The following BRINP1 variants were observed in gnomAD, a reference collection of about 807,000 sequenced individuals.
The protein encoded by BRINP1 is BMP/retinoic acid-inducible neural-specific protein 1.
BRINP1 carries 17 observed loss-of-function variants against 72.9 expected under a neutral mutation model. That is an observed-to-expected ratio of 0.23 (90% CI 0.16 to 0.35). The LOEUF is 0.35. Ranked by LOEUF, BRINP1 falls within the 10% of genes least tolerant of loss-of-function variation. BRINP1 has a pLI of 1.00. For missense variants in BRINP1, 850 were observed against 1,001.6 expected, an observed-to-expected ratio of 0.85 and a Z score of 2.04; for synonymous variants, 418 against 378.5, an observed-to-expected ratio of 1.10 and a Z score of -1.21.
At chr9:119,341,987 C>T (rs1831411009) in intron 1 of BRINP1, among the ~76,000 whole-genome samples, 1 of 152,024 alleles carries the variant, frequency 6.6e-6, no homozygotes, top group Non-Finnish European at 1.5e-5. Context: ...AGGCTGCTCT[C>T]GAACTCCTGA....
At chr9:119,189,811 G>T (rs1376825230) in intron 7 of BRINP1, among the ~76,000 whole-genome samples, 1 of 151,964 alleles carries the variant, frequency 6.6e-6, no homozygotes, top group East Asian at 1.9e-4. Flanking sequence ...CTGCACTTTA[G>T]ACCAAATGGA....
chr9:119,316,889 G>A (rs566820164), intron 1 of BRINP1, among the ~76,000 whole-genome samples: 36 of 151,774 alleles, frequency 2.4e-4, no homozygotes, highest in Admixed American at 2.2e-3. Flanking sequence ...TCAAGAGATC[G>A]AGACTATCCT....
rs1830258949 is a variant in BRINP1 at position 119,242,235 on chromosome 9, T to C, written c.410-19A>G. On this transcript the variant is annotated intron_variant, in intron 3 of 7. Coordinates refer to ENST00000265922, the MANE Select transcript of BRINP1 (RefSeq NM_014618.3). ...TCCTCCCCTGGATGGGAAAGAAAAG[T>C]AGATAAGAAGGTTTGTGGAGCTTTC... 1 of 1,611,294 alleles carries C rather than the reference T, an allele frequency of 6.2e-7. No homozygotes were observed. The highest frequency in any genetic ancestry group is 8.5e-7 in the Non-Finnish European group (1 of 1,178,370).
At chr9:119,341,496 A>G (rs1587966696) in intron 1 of BRINP1, among the ~76,000 whole-genome samples, 2 of 152,282 alleles carry the variant, frequency 1.3e-5, no homozygotes, top group East Asian at 1.9e-4. Context: ...AGAAAGCAGG[A>G]CACTCTCCTG....
At chr9:119,291,599 G>A (rs1830822140) in intron 2 of BRINP1, among the ~76,000 whole-genome samples, 1 of 152,142 alleles carries the variant, frequency 6.6e-6, no homozygotes, top group African/African-American at 2.4e-5. Context: ...ATGTTTACAA[G>A]CTTCCTGTAC....
intron 1 of BRINP1, among the ~76,000 whole-genome samples, chr9:119,353,430 A>G (rs1311828456): frequency 6.6e-6 from 1 of 152,180 alleles, no homozygotes; most frequent in Non-Finnish European, 1.5e-5. Flanking sequence ...CATTTTACAG[A>G]TGAGGAACCT....
rs375893406 is a variant in BRINP1 at position 119,278,071 on chromosome 9, G to T, written c.219-28921C>A. ...TATACTGAATCAGTCTCTACCCTAT[G>T]TCTTTTCCCTACTGTTTTTCTTTCC... On this transcript the variant is annotated intron_variant, in intron 2 of 7. Transcript: ENST00000265922. Among the ~76,000 whole-genome samples the T allele has an allele frequency of 3.2e-4, 48 of 152,208 alleles. 1 individual carries two copies. Among genetic ancestry groups the T allele is most frequent in the African/African-American group, 1.1e-3 (47 of 41,528 alleles).
rs1830804416 is a variant in BRINP1, at chr9:119,289,858, T to C, written c.218+23280A>G. Among the ~76,000 whole-genome samples the C allele has an allele frequency of 2.0e-5, 3 of 152,208 alleles. 1 individual carries two copies. The South Asian group carries it at 6.2e-4, about 32-fold the overall frequency. ...CCTGTCATCTTAAACCTCTTGAACA[T>C]GATAATTTCTCGGAAGATGCACGAC... On this transcript the variant is annotated intron_variant, in intron 2 of 7. Transcript: ENST00000265922.
At position 119,233,575 on chromosome 9, in the gene BRINP1, T is replaced by C. The variant is rs1345388408; in HGVS notation, c.685+5080A>G. On this transcript the variant is annotated intron_variant, in intron 5 of 7. Coordinates refer to ENST00000265922, the MANE Select transcript of BRINP1 (RefSeq NM_014618.3). ...CCCACTTTCCCATGCCTCTCCCCTT[T>C]ATTCATGTTCTTTCTTTGCAGAGGA... Among the ~76,000 whole-genome samples, 3 of 152,288 alleles carry C rather than the reference T, an allele frequency of 2.0e-5. No individual in the cohort carries two copies. In the East Asian group the frequency reaches 5.8e-4, roughly 29 times the overall value.
At chr9:119,367,232 A>ATATATATATATATATC (rs1430573968) in intron 1 of BRINP1, among the ~76,000 whole-genome samples, 1 of 138,408 alleles carries the variant, frequency 7.2e-6, no homozygotes, top group African/African-American at 2.8e-5. Flanking sequence ...ATATATATAT[A>ATATATATATATATATC]TATATATATA....
chr9:119,289,098 C>T (rs1197870717), intron 2 of BRINP1, among the ~76,000 whole-genome samples: 3 of 152,152 alleles, frequency 2.0e-5, no homozygotes, highest in Non-Finnish European at 4.4e-5. Flanking sequence ...CCACACCCGG[C>T]CCATTTAAGC....
intron 1 of BRINP1, among the ~76,000 whole-genome samples, chr9:119,351,220 C>T (rs1256044223): frequency 2.0e-5 from 3 of 152,094 alleles, no homozygotes; most frequent in Non-Finnish European, 4.4e-5. Context: ...CTCATTTGCA[C>T]GTGAAAAACT....
chr9:119,235,168 C>T (rs975874070), intron 5 of BRINP1, among the ~76,000 whole-genome samples: 4 of 152,128 alleles, frequency 2.6e-5, no homozygotes, highest in Non-Finnish European at 5.9e-5. Flanking sequence ...ACTGTCCACA[C>T]AAGAGTCAGA....
intron 3 of BRINP1, among the ~76,000 whole-genome samples, chr9:119,247,449 A>C (rs1283315483): frequency 2.0e-5 from 3 of 151,968 alleles, no homozygotes; most frequent in Non-Finnish European, 2.9e-5. Context: ...TCAGGAGATC[A>C]AGACCATCCT....
At chr9:119,360,236 T>C (rs1020125750) in intron 1 of BRINP1, among the ~76,000 whole-genome samples, 1 of 152,232 alleles carries the variant, frequency 6.6e-6, no homozygotes, top group Non-Finnish European at 1.5e-5. Context: ...CAAAACTGTA[T>C]TACCAACCCT....
intron 1 of BRINP1, among the ~76,000 whole-genome samples, chr9:119,342,981 A>C (rs1015906643): frequency 2.6e-5 from 4 of 152,242 alleles, no homozygotes; most frequent in Admixed American, 2.0e-4. Flanking sequence ...ATAGATTTAT[A>C]AAATAGAGAT....
At chr9:119,335,349 T>C (rs367624326) in intron 1 of BRINP1, among the ~76,000 whole-genome samples, 1 of 152,134 alleles carries the variant, frequency 6.6e-6, no homozygotes, top group African/African-American at 2.4e-5. Context: ...CAGACCTCAG[T>C]TAGTCTGTGC....
intron 4 of BRINP1, among the ~76,000 whole-genome samples, chr9:119,239,281 A>C (rs1830223198): frequency 6.6e-6 from 1 of 152,194 alleles, no homozygotes; most frequent in Non-Finnish European, 1.5e-5. Flanking sequence ...ATAAGTTATA[A>C]TGAGTACATA....
intron 7 of BRINP1, among the ~76,000 whole-genome samples, chr9:119,169,832 T>C (rs867246151): frequency 1.8e-4 from 27 of 152,144 alleles, no homozygotes; most frequent in South Asian, 4.2e-4. Flanking sequence ...CCCTGACCCC[T>C]GAGCAGCCTA....
Sources: gnomAD v4.1 joint callset for allele counts (sites outside exome capture counted in the v4.1 genomes callset) on GRCh38, gnomAD v4.1.1 for gene constraint, MANE v1.5 for transcripts, NCBI Gene and HGNC (gene_info 2026-07-23, HGNC 2026-07-21) for gene names.